The following SLIT3 variants were observed in gnomAD, a reference collection of about 807,000 sequenced individuals.
SLIT3 encodes the protein slit homolog 3 protein.
In SLIT3, 68 loss-of-function variants were observed where a neutral mutation model predicts 184.0. The observed-to-expected ratio is 0.37, with a 90% CI of 0.30 to 0.45. The LOEUF (loss-of-function observed/expected upper bound fraction) is 0.45. SLIT3 is among the 20% of genes least tolerant of loss of function. The pLI is 1.00. For synonymous variants in SLIT3, 831 were observed against 828.6 expected, an observed-to-expected ratio of 1.00 and a Z score of -0.05; for missense variants, 1,707 against 2,026.0, an observed-to-expected ratio of 0.84 and a Z score of 3.02.
chr5:168,725,634 A>G (rs1361083224), intron 20 of SLIT3, among the ~76,000 whole-genome samples: 2 of 152,224 alleles, frequency 1.3e-5, no homozygotes, highest in African/African-American at 4.8e-5. Context: ...AAACTTCAAC[A>G]TACATGCAAA....
intron 4 of SLIT3, among the ~76,000 whole-genome samples, chr5:168,897,609 T>C (rs1281122403): frequency 8.0e-6 from 1 of 124,902 alleles, no homozygotes; most frequent in African/African-American, 2.7e-5. Context: ...AAGATACGGA[T>C]GTGAGGCAAA....
chr5:169,095,364 A>AT (rs1179956413), intron 4 of SLIT3, among the ~76,000 whole-genome samples: 1 of 152,172 alleles, frequency 6.6e-6, no homozygotes, highest in Admixed American at 6.5e-5. Context: ...AGAAGCAGGC[A>AT]TTTTCACCCC....
chr5:169,220,598 C>A (rs1335031751), intron 3 of SLIT3, among the ~76,000 whole-genome samples: 1 of 152,078 alleles, frequency 6.6e-6, no homozygotes, highest in Non-Finnish European at 1.5e-5. Context: ...AGACAGACGA[C>A]AATAGCTACA....
At chr5:169,251,101 G>C (rs182244019) in intron 2 of SLIT3, among the ~76,000 whole-genome samples, 1 of 152,312 alleles carries the variant, frequency 6.6e-6, no homozygotes, top group South Asian at 2.1e-4. Flanking sequence ...ACCTGACATC[G>C]CTGTCATCCT....
chr5:169,292,455 T>C (rs1042437372), intron 1 of SLIT3, among the ~76,000 whole-genome samples: 1 of 151,756 alleles, frequency 6.6e-6, no homozygotes. Flanking sequence ...CCAGAGAAAA[T>C]ATGAACCAAC....
intron 23 of SLIT3, among the ~76,000 whole-genome samples, chr5:168,713,827 G>A (rs1762635948): frequency 6.6e-6 from 1 of 152,212 alleles, no homozygotes; most frequent in Non-Finnish European, 1.5e-5. Context: ...GATTCAGTGG[G>A]TCTGAGGTGA....
intron 4 of SLIT3, among the ~76,000 whole-genome samples, chr5:168,936,308 C>G (rs760002446): frequency 6.6e-6 from 1 of 152,178 alleles, no homozygotes; most frequent in Non-Finnish European, 1.5e-5. Flanking sequence ...AATCTCGGCT[C>G]ACTGCAACCT....
At position 169,240,300 on chromosome 5, in the gene SLIT3, ATT is replaced by A. The variant is rs1250121753; in HGVS notation, c.341+4403_341+4404del. Among the ~76,000 whole-genome samples, 9 of 151,984 alleles carry A rather than the reference ATT, an allele frequency of 5.9e-5. No individual in the cohort carries two copies. In the South Asian group the frequency reaches 1.4e-3, roughly 24 times the overall value. ...TTAATATTCTATATTTTTACCAAGA[ATT>A]GTACCTCCTTGTTCTATTAATTACC... On this transcript the variant is annotated intron_variant, in intron 3 of 35. Coordinates refer to ENST00000519560, the MANE Select transcript of SLIT3 (RefSeq NM_003062.4).
chr5:169,181,797 C>A (rs981769890), intron 4 of SLIT3, among the ~76,000 whole-genome samples: 1 of 151,634 alleles, frequency 6.6e-6, no homozygotes, highest in East Asian at 1.9e-4. Context: ...ATCCACAATA[C>A]AGTTTCACAA....
At position 169,108,801 on chromosome 5, in the gene SLIT3, C is replaced by G. The variant is rs370134183; in HGVS notation, c.413+84678G>C. ...GAGAAGCTCCAAGAGGGTGGATGCTCTGTCTGCCTTGTTCTCCACTGTGTT... is the reference window on the plus strand; with the variant it reads ...GAGAAGCTCCAAGAGGGTGGATGCTGTGTCTGCCTTGTTCTCCACTGTGTT... On this transcript the variant is annotated intron_variant, in intron 4 of 35. Transcript: ENST00000519560. Among the ~76,000 whole-genome samples, 153 of 152,324 alleles carry G rather than the reference C, an allele frequency of 1.0e-3. 2 individuals are homozygous for G. In the South Asian group the frequency reaches 0.017, roughly 17 times the overall value.
chr5:168,849,201 T>C (rs957511277), intron 5 of SLIT3, among the ~76,000 whole-genome samples: 1 of 152,168 alleles, frequency 6.6e-6, no homozygotes, highest in Non-Finnish European at 1.5e-5. Flanking sequence ...ACATGCAAGG[T>C]CTGCACATCA....
At chr5:168,711,613 G>A (rs578220239) in intron 24 of SLIT3, among the ~76,000 whole-genome samples, 1 of 151,982 alleles carries the variant, frequency 6.6e-6, no homozygotes, top group African/African-American at 2.4e-5. Context: ...TATAGTGTAT[G>A]CACACATTAT....
intron 14 of SLIT3, among the ~76,000 whole-genome samples, chr5:168,763,263 G>A (rs538651954): frequency 1.3e-5 from 2 of 152,170 alleles, no homozygotes; most frequent in Middle Eastern, 3.4e-3. Context: ...AATGACCATC[G>A]ACGCCTGGCT....
intron 22 of SLIT3, 144 bp from the exon 23 acceptor site, chr5:168,722,471 A>G: frequency 1.5e-6 from 1 of 687,980 alleles, no homozygotes; most frequent in Non-Finnish European, 2.5e-6. Context: ...GGGACAAGAA[A>G]CCTCTTCACC....
chr5:169,135,514 C>T (rs1395144180), intron 4 of SLIT3, among the ~76,000 whole-genome samples: 1 of 152,016 alleles, frequency 6.6e-6, no homozygotes, highest in East Asian at 1.9e-4. Flanking sequence ...TGAAATAGCA[C>T]AGAAACTAGC....
intron 32 of SLIT3, among the ~76,000 whole-genome samples, chr5:168,674,127 A>G (rs1227401720): frequency 6.6e-6 from 1 of 152,232 alleles, no homozygotes. Context: ...AGGTCACCTC[A>G]GGTACCACCA....
At chr5:169,269,514 T>C (rs1217591468) in intron 1 of SLIT3, among the ~76,000 whole-genome samples, 1 of 152,240 alleles carries the variant, frequency 6.6e-6, no homozygotes, top group Non-Finnish European at 1.5e-5. Flanking sequence ...CAGGCAACTC[T>C]CCCATCTGTA....
chr5:168,731,811 A>T (rs1225257744), intron 20 of SLIT3, among the ~76,000 whole-genome samples: 1 of 152,088 alleles, frequency 6.6e-6, no homozygotes, highest in East Asian at 1.9e-4. Context: ...CAAATAATAA[A>T]GGCTATATAC....
chr5:169,143,805 A>C (rs1411789807), intron 4 of SLIT3, among the ~76,000 whole-genome samples: 1 of 152,122 alleles, frequency 6.6e-6, no homozygotes, highest in Non-Finnish European at 1.5e-5. Flanking sequence ...GAAAAAAAAC[A>C]ACAAAAACAG....
Sources: allele counts gnomAD v4.1 joint callset (sites outside exome capture counted in the v4.1 genomes callset), GRCh38; gene constraint gnomAD v4.1.1; transcripts MANE v1.5; gene names NCBI Gene and HGNC (gene_info 2026-07-23, HGNC 2026-07-21).